PTPRM: variants seen among roughly 807,000 people sequenced by gnomAD.
The protein encoded by PTPRM is receptor-type tyrosine-protein phosphatase mu.
A neutral mutation model predicts 186.7 loss-of-function variants in PTPRM; 47 were observed. That is an observed-to-expected ratio of 0.25 (90% CI 0.20 to 0.32). The LOEUF (loss-of-function observed/expected upper bound fraction) is 0.32, where lower values mean the gene tolerates loss of function less well. Among genes scored for constraint, PTPRM ranks in the 10% least tolerant of loss-of-function variants. The probability of loss-of-function intolerance (pLI) is 1.00; values close to 1 mark genes in which losing one functional copy is unlikely to be tolerated. For synonymous variants in PTPRM, 668 were observed against 674.9 expected (o/e 0.99, Z 0.16); for missense variants, 1,494 against 1,865.0 (o/e 0.80, Z 3.66).
At chr18:8,384,917 A>T (rs924167789) in intron 30 of PTPRM, among the ~76,000 whole-genome samples, 11 of 152,238 alleles carry the variant, frequency 7.2e-5, no homozygotes, top group African/African-American at 2.7e-4. Flanking sequence ...ATTCAAGACC[A>T]TCACGATAGG....
chr18:7,853,189 A>T (rs1294956141), intron 2 of PTPRM, among the ~76,000 whole-genome samples: 1 of 152,258 alleles, frequency 6.6e-6, no homozygotes, highest in East Asian at 1.9e-4. Context: ...TTGGAAAAAT[A>T]TTGATACTGA....
chr18:8,304,013 C>G (rs2095191262), intron 20 of PTPRM, among the ~76,000 whole-genome samples: 1 of 152,194 alleles, frequency 6.6e-6, no homozygotes, highest in Non-Finnish European at 1.5e-5. Context: ...TTCCAGCCTT[C>G]TCTCAGAGGC....
intron 23 of PTPRM, 29 bp from the exon 24 acceptor site, chr18:8,370,861 A>G (rs1195994397): frequency 6.9e-7 from 1 of 1,443,944 alleles, no homozygotes; most frequent in Non-Finnish European, 9.5e-7. Context: ...CAAACTGTAA[A>G]CCCATAATTT....
intron 21 of PTPRM, among the ~76,000 whole-genome samples, chr18:8,317,429 T>C (rs570649262): frequency 6.6e-6 from 1 of 152,102 alleles, no homozygotes; most frequent in African/African-American, 2.4e-5. Context: ...AGTGGAGGTG[T>C]TGAGCAGGCA....
At chr18:7,834,992 C>CTTTTTTTTTTTTTTTTTTTTTTTTTGT (rs57839485) in intron 2 of PTPRM, among the ~76,000 whole-genome samples, 1 of 85,268 alleles carries the variant, frequency 1.2e-5, no homozygotes. Context: ...TTATTTGGAT[C>CTTTTTTTTTTTTTTTTTTTTTTTTTGT]TTTTTTTTTT....
chr18:8,393,356 A>G (rs1478698328), intron 31 of PTPRM, among the ~76,000 whole-genome samples: 2 of 152,230 alleles, frequency 1.3e-5, no homozygotes, highest in African/African-American at 4.8e-5. Flanking sequence ...GACTTCTCAG[A>G]TTGCGGCTGG....
chr18:7,571,696 T>C (rs2036570268), intron 1 of PTPRM, among the ~76,000 whole-genome samples: 2 of 152,230 alleles, frequency 1.3e-5, no homozygotes, highest in South Asian at 4.1e-4. Flanking sequence ...ATTTTAAGGA[T>C]GTTTGTGGGA....
chr18:8,229,887 T>A (rs369770583), intron 14 of PTPRM, among the ~76,000 whole-genome samples: 1 of 152,226 alleles, frequency 6.6e-6, no homozygotes, highest in Admixed American at 6.5e-5. Context: ...GCTGAAGAGA[T>A]CCACACACCT....
intron 7 of PTPRM, among the ~76,000 whole-genome samples, chr18:7,973,466 C>T (rs943112513): frequency 3.9e-5 from 6 of 152,066 alleles, no homozygotes; most frequent in East Asian, 1.9e-4. Context: ...TGTTTTAATT[C>T]GCATTTCCTC....
intron 2 of PTPRM, among the ~76,000 whole-genome samples, chr18:7,820,766 C>A (rs2045143956): frequency 2.6e-5 from 4 of 152,198 alleles, no homozygotes; most frequent in Non-Finnish European, 5.9e-5. Flanking sequence ...GGCCTCGCCT[C>A]TCTTTGGCTT....
At chr18:8,325,982 T>C (rs1272648) in intron 22 of PTPRM, among the ~76,000 whole-genome samples, 85,788 of 152,024 alleles carry the variant, frequency 0.56, 25,682 homozygotes, top group East Asian at 0.66. Context: ...CCTTTTCAAG[T>C]GTATCTGTTC....
intron 20 of PTPRM, among the ~76,000 whole-genome samples, chr18:8,300,218 T>C (rs10163763): frequency 0.68 from 103,195 of 151,860 alleles, 36,062 homozygotes; most frequent in African/African-American, 0.83. Context: ...AGTGGACGAG[T>C]GGCAGACTAA....
intron 5 of PTPRM, among the ~76,000 whole-genome samples, chr18:7,940,112 A>G (rs1336117307): frequency 1.3e-5 from 2 of 152,132 alleles, no homozygotes; most frequent in African/African-American, 2.4e-5. Context: ...CACTCCCCAC[A>G]CTTCACTGTT....
At chr18:7,609,492 G>A (rs1339249638) in intron 1 of PTPRM, among the ~76,000 whole-genome samples, 2 of 151,228 alleles carry the variant, frequency 1.3e-5, no homozygotes, top group Non-Finnish European at 1.5e-5. Flanking sequence ...TCATGGAATA[G>A]CAGTGCATTC....
At chr18:8,223,829 CA>C (rs2094182881) in intron 14 of PTPRM, among the ~76,000 whole-genome samples, 1 of 152,138 alleles carries the variant, frequency 6.6e-6, no homozygotes, top group Non-Finnish European at 1.5e-5. Context: ...AGAAATTAAG[CA>C]AAACCATAAA....
intron 14 of PTPRM, among the ~76,000 whole-genome samples, chr18:8,174,065 C>CA (rs112437802): frequency 1.1e-3 from 133 of 122,842 alleles, no homozygotes; most frequent in Middle Eastern, 4.7e-3. Flanking sequence ...GACTCTGTCT[C>CA]AAAAAAAAAA....
At chr18:8,274,272 G>T (rs7505323) in intron 19 of PTPRM, among the ~76,000 whole-genome samples, 8,918 of 152,166 alleles carry the variant, frequency 0.059, 363 homozygotes, top group African/African-American at 0.11. Flanking sequence ...CCTCAGATAC[G>T]CTGCAGAACG....
At chr18:7,847,171 G>A (rs111946857) in intron 2 of PTPRM, among the ~76,000 whole-genome samples, 13 of 107,382 alleles carry the variant, frequency 1.2e-4, no homozygotes, top group African/African-American at 4.0e-4. Context: ...TACAAATCTG[G>A]CTTTTTTTTT....
At chr18:8,277,442 C>G (rs1336395008) in intron 19 of PTPRM, among the ~76,000 whole-genome samples, 1 of 152,168 alleles carries the variant, frequency 6.6e-6, no homozygotes, top group East Asian at 1.9e-4. Flanking sequence ...TGGAGAGGCA[C>G]TGCAGGAGGC....
Sources: gnomAD v4.1 joint callset for allele counts (sites outside exome capture counted in the v4.1 genomes callset) on GRCh38, gnomAD v4.1.1 for gene constraint, MANE v1.5 for transcripts, NCBI Gene and HGNC (gene_info 2026-07-23, HGNC 2026-07-21) for gene names.